PTPN9: variants seen among roughly 807,000 people sequenced by gnomAD.
PTPN9 encodes protein tyrosine phosphatase non-receptor type 9.
In PTPN9, 26 loss-of-function variants were observed where a neutral mutation model predicts 69.8. The observed-to-expected ratio is 0.37, with a 90% CI of 0.27 to 0.52. The LOEUF (loss-of-function observed/expected upper bound fraction) is 0.52, where lower values mean the gene tolerates loss of function less well. PTPN9 is among the 20% of genes least tolerant of loss of function. PTPN9 has a pLI of 0.91. For synonymous variants in PTPN9, 274 were observed against 272.5 expected (o/e 1.01, Z -0.05); for missense variants, 549 against 740.3 (o/e 0.74, Z 3.00).
chr15:75,577,404 G>T (rs2075178596), intron 1 of PTPN9, among the ~76,000 whole-genome samples: 1 of 152,142 alleles, frequency 6.6e-6, no homozygotes, highest in Non-Finnish European at 1.5e-5. Flanking sequence ...CCACCTGCTT[G>T]CACTAGGGTC....
chr15:75,552,655 GTAGGT>G, intron 1 of PTPN9, among the ~76,000 whole-genome samples: 1 of 151,758 alleles, frequency 6.6e-6, no homozygotes, highest in East Asian at 1.9e-4. Flanking sequence ...GCTATGCTCA[GTAGGT>G]TAGGTGTATT....
At chr15:75,504,700 C>A (rs1407277204) in intron 7 of PTPN9, among the ~76,000 whole-genome samples, 2 of 136,166 alleles carry the variant, frequency 1.5e-5, no homozygotes, top group Non-Finnish European at 1.6e-5. Flanking sequence ...GGGGGGTCAG[C>A]CCCCCGCCCG....
chr15:75,578,765 C>G lies in PTPN9; in HGVS notation c.12G>C (p.Ala4=), dbSNP rs1425071474. 1.6e-6 allele frequency: 2 copies of G among 1,275,992 alleles called. No individual in the cohort carries two copies. Among genetic ancestry groups the G allele is most frequent in the Non-Finnish European group, 2.0e-6 (2 of 1,012,686 alleles). The allele number at this position is 1,275,992 out of a possible 1,614,324, so 79.0% of individuals were successfully genotyped here. Residue 4 remains alanine, a synonymous_variant, in exon 1 of 13, where the codon GCG becomes GCC. Coordinates refer to ENST00000618819, the MANE Select transcript of PTPN9 (RefSeq NM_002833.4). Reference sequence around the variant, plus strand: ...GCGCCATGTCGGGCCGGGGCGCGGTCGCGGGCTCCATCCCCCCGCCACCGC... The same window carrying G: ...GCGCCATGTCGGGCCGGGGCGCGGTGGCGGGCTCCATCCCCCCGCCACCGC... MEP[A]TAPRPDMAPE...
chr15:75,524,341 G>A (rs369612379), intron 2 of PTPN9, 43 bp from the exon 3 acceptor site: 17 of 1,266,872 alleles, frequency 1.3e-5, no homozygotes, highest in Non-Finnish European at 1.6e-5. Context: ...TGAAAATACT[G>A]TATATCCAGG....
chr15:75,500,545 A>T (rs951535168), intron 7 of PTPN9, among the ~76,000 whole-genome samples: 29 of 152,090 alleles, frequency 1.9e-4, no homozygotes, highest in African/African-American at 6.3e-4. Context: ...CAACAACAAC[A>T]AAAAAGACTT....
chr15:75,517,229 G>A, intron 5 of PTPN9, 30 bp downstream of exon 5: 1 of 1,501,056 alleles, frequency 6.7e-7, no homozygotes, highest in Non-Finnish European at 9.1e-7. Flanking sequence ...AGCATTGAAG[G>A]AAACTTGAGA....
Position 75,575,010 on chromosome 15 carries a change from G to GTTTTTCTTT in PTPN9, c.63+3703_63+3704insAAAGAAAAA, listed in dbSNP as rs1567533120. Among the ~76,000 whole-genome samples, 2 of 15,768 alleles carry GTTTTTCTTT rather than the reference G, an allele frequency of 1.3e-4. 1 individual carries two copies. The allele number at this position is 15,768 out of a possible 152,430, so 10.3% of individuals were successfully genotyped here. On this transcript the variant is annotated intron_variant, in intron 1 of 12. Coordinates refer to ENST00000618819, the MANE Select transcript of PTPN9 (RefSeq NM_002833.4). ...TTTTTTTTTTTTTTTTTGAGACAGA[G>GTTTTTCTTT]GAGACGGAGTCTCGCTCTGTCGGCG...
chr15:75,561,349 T>C (rs1313819052), intron 1 of PTPN9, among the ~76,000 whole-genome samples: 1 of 151,972 alleles, frequency 6.6e-6, no homozygotes, highest in Non-Finnish European at 1.5e-5. Flanking sequence ...AGAATTCCGT[T>C]TTTTGGAAAA....
intron 5 of PTPN9, among the ~76,000 whole-genome samples, chr15:75,512,034 G>T (rs1041211150): frequency 8.6e-5 from 13 of 151,872 alleles, no homozygotes; most frequent in African/African-American, 3.1e-4. Flanking sequence ...TAGCAGAGAT[G>T]GGTTTTCACC....
intron 1 of PTPN9, among the ~76,000 whole-genome samples, chr15:75,575,690 C>T (rs1198190665): frequency 3.9e-5 from 6 of 152,026 alleles, no homozygotes; most frequent in South Asian, 4.2e-4. Context: ...GAGGCCAAGG[C>T]GGGTGGATCA....
chr15:75,527,447 T>C (rs1048720607), intron 1 of PTPN9, among the ~76,000 whole-genome samples, 186 bp from the exon 2 acceptor site: 1 of 152,032 alleles, frequency 6.6e-6, no homozygotes, highest in African/African-American at 2.4e-5. Context: ...AAAATTTGTA[T>C]AATTCAATGA....
intron 1 of PTPN9, among the ~76,000 whole-genome samples, chr15:75,527,678 C>T (rs1164545031): frequency 6.6e-6 from 1 of 151,944 alleles, no homozygotes; most frequent in South Asian, 2.1e-4. Context: ...CATGGTGAAA[C>T]TCCATCCATC....
At chr15:75,509,938 C>CGCACCACT (rs2074837853) in intron 5 of PTPN9, among the ~76,000 whole-genome samples, 1 of 152,152 alleles carries the variant, frequency 6.6e-6, no homozygotes, top group African/African-American at 2.4e-5. Flanking sequence ...AAGCCAAGAT[C>CGCACCACT]GCACCACTGC....
intron 8 of PTPN9, among the ~76,000 whole-genome samples, chr15:75,485,363 T>G (rs1424824764): frequency 7.2e-6 from 1 of 138,400 alleles, no homozygotes; most frequent in African/African-American, 2.7e-5. Context: ...TCTTTTTTTT[T>G]TTTTTTTTTT....
intron 10 of PTPN9, among the ~76,000 whole-genome samples, chr15:75,472,852 G>A (rs1028720605): frequency 6.6e-6 from 1 of 151,940 alleles, no homozygotes; most frequent in Non-Finnish European, 1.5e-5. Context: ...GGAGGCTGAG[G>A]CAGGAGAATT....
intron 2 of PTPN9, among the ~76,000 whole-genome samples, chr15:75,525,127 G>A (rs1397398846): frequency 6.6e-6 from 1 of 151,924 alleles, no homozygotes; most frequent in Admixed American, 6.6e-5. Context: ...TTAAATAGGA[G>A]CCTTCTCTCC....
intron 4 of PTPN9, among the ~76,000 whole-genome samples, chr15:75,520,973 A>G (rs1342929942): frequency 6.6e-6 from 1 of 151,762 alleles, no homozygotes; most frequent in Non-Finnish European, 1.5e-5. Flanking sequence ...GCCTTCCGTG[A>G]GTGTCTGGGA....
chr15:75,530,644 AATATATATTATTATATAATATACTATT>A (rs2074954372), intron 1 of PTPN9, among the ~76,000 whole-genome samples: 3 of 59,130 alleles, frequency 5.1e-5, no homozygotes, highest in East Asian at 6.1e-4. Flanking sequence ...AATATACTAT[AATATATATTATTATATAATATACTATT>A]ATATATATTA....
At chr15:75,531,863 C>T (rs982580115) in intron 1 of PTPN9, among the ~76,000 whole-genome samples, 1 of 152,126 alleles carries the variant, frequency 6.6e-6, no homozygotes, top group Non-Finnish European at 1.5e-5. Context: ...CCGGCCGAGA[C>T]ATGGTACCTG....
Sources: gnomAD v4.1 joint callset for allele counts (sites outside exome capture counted in the v4.1 genomes callset) on GRCh38, gnomAD v4.1.1 for gene constraint, MANE v1.5 for transcripts, NCBI Gene and HGNC (gene_info 2026-07-23, HGNC 2026-07-21) for gene names.